The following VPS16 variants were observed in gnomAD, a reference collection of about 807,000 sequenced individuals.
VPS16 encodes VPS16 core subunit of CORVET and HOPS complexes, also known as vacuolar protein sorting-associated protein 16 homolog.
Under a neutral mutation model 116.0 loss-of-function variants are expected in VPS16, and 82 were observed. The ratio of observed to expected loss-of-function variants is 0.71; its 90% confidence interval spans 0.59 to 0.85. The LOEUF (loss-of-function observed/expected upper bound fraction) is 0.85. Among genes scored for constraint, VPS16 ranks in the 40% least tolerant of loss-of-function variants. VPS16 has a pLI of 0.00. For synonymous variants in VPS16, 406 were observed against 420.7 expected (o/e 0.96, Z 0.43); for missense variants, 928 against 1,090.6 (o/e 0.85, Z 2.10).
In VPS16 at chr20:2,860,767, C is replaced by G; in HGVS notation, c.534C>G (p.Ser178=). 2 of 1,613,992 alleles carry G rather than the reference C, an allele frequency of 1.2e-6. No homozygotes were observed. The highest frequency in any genetic ancestry group is 1.7e-5 in the Admixed American group (1 of 60,026). The change falls in exon 6 of 24, where the codon TCC becomes TCG. Residue 178 remains serine (S), a synonymous_variant. Transcript: ENST00000380445. The surrounding 1 kb of genome is among the most constrained non-coding windows in gnomAD (Gnocchi z 6.1). ...CCATAGGTCTGCAAAGTGCACCCTC[C>G]TGCTGGACTGTGCTGTGCCAGGACC... ...PEVPGLQSAP[S]CWTVLCQDRV...
At chr20:2,850,965 C>CAAAAA (rs57731229) in intron 1 of VPS16, among the ~76,000 whole-genome samples, 2 of 91,446 alleles carry the variant, frequency 2.2e-5, no homozygotes, top group African/African-American at 3.5e-5. Context: ...GTAAGACTGT[C>CAAAAA]AAAAAAAAAA....
At chr20:2,855,604 G>A (rs994327614) in intron 1 of VPS16, among the ~76,000 whole-genome samples, 2 of 152,132 alleles carry the variant, frequency 1.3e-5, no homozygotes, top group African/African-American at 4.8e-5. Context: ...AGACTGTTTT[G>A]TCTACATTGA....
chr20:2,841,929 T>C (rs1426339588), intron 1 of VPS16, among the ~76,000 whole-genome samples: 1 of 151,972 alleles, frequency 6.6e-6, no homozygotes, highest in Non-Finnish European at 1.5e-5. Context: ...AATTTTTGTA[T>C]TTTTTGCTAG....
intron 1 of VPS16, among the ~76,000 whole-genome samples, chr20:2,841,391 A>G (rs1359625486): frequency 6.6e-6 from 1 of 152,182 alleles, no homozygotes; most frequent in Non-Finnish European, 1.5e-5. Context: ...TAGCTTCCCT[A>G]ATAGGAAAAA....
rs2088957365 is a variant in VPS16, at chr20:2,840,767, C to T, written c.-8C>T. On this transcript the variant is annotated 5_prime_UTR_variant, in exon 1 of 24. Coordinates refer to ENST00000380445, the MANE Select transcript of VPS16 (RefSeq NM_022575.4). ...CTCGGTGCTTCCCAGCTGCCGTCTG[C>T]ACCAGCCATGGACTGCTACACGGCG... 4.5e-6 allele frequency: 7 copies of T among 1,548,184 alleles called. No homozygotes were observed. In the South Asian group the frequency reaches 4.8e-5, roughly 11 times the overall value.
chr20:2,851,755 G>A, intron 1 of VPS16, among the ~76,000 whole-genome samples: 1 of 152,018 alleles, frequency 6.6e-6, no homozygotes, highest in South Asian at 2.1e-4. Flanking sequence ...AGATCACAAG[G>A]TCAGGAGATC....
At chr20:2,859,587 T>C in intron 1 of VPS16, 132 bp from the exon 2 acceptor site, 1 of 1,042,780 alleles carries the variant, frequency 9.6e-7, no homozygotes, top group Non-Finnish European at 1.5e-6. Context: ...TCCCTCCCTC[T>C]GGGGGTAGAG....
chr20:2,851,611 G>A (rs973891420), intron 1 of VPS16, among the ~76,000 whole-genome samples: 23 of 151,570 alleles, frequency 1.5e-4, no homozygotes, highest in African/African-American at 5.1e-4. Flanking sequence ...GCAGTGAGCC[G>A]GTATTGCTCC....
Position 2,863,870 on chromosome 20 carries a change from G to T in VPS16, c.1477-79G>T, listed in dbSNP as rs1046495955. On this transcript the variant is annotated intron_variant, in intron 15 of 23. Coordinates refer to ENST00000380445, the MANE Select transcript of VPS16 (RefSeq NM_022575.4). The surrounding 1 kb of genome is among the most constrained non-coding windows in gnomAD (Gnocchi z 4.4). ...AAGGGAGGGAGGAAGGGAACTGAAG[G>T]GGTGGGTCCTAAGGGCTTGCAGGAG... 2.1e-5 allele frequency: 32 copies of T among 1,550,598 alleles called. No individual in the cohort carries two copies. In the African/African-American group the frequency reaches 3.0e-4, roughly 15 times the overall value.
rs996332745 is a variant in VPS16 at position 2,841,137 on chromosome 20, C to T, written c.53+310C>T. The T allele has an allele frequency of 6.8e-6, 3 of 444,298 alleles. No individual in the cohort carries two copies. The Admixed American group carries it at 1.2e-4, about 18-fold the overall frequency. 27.5% of individuals were successfully genotyped at this position (444,298 alleles called of 1,614,324 possible). A position where few individuals can be genotyped will look rare whatever the true frequency, so the allele number is the denominator to read the frequency against. On this transcript the variant is annotated intron_variant, in intron 1 of 23. Transcript: ENST00000380445. ...GTGACAGCGAGTGCCCAGTCTCCTGCCGGAAAGTGCTGCTGAAGTCAGACC... is the reference window on the plus strand; with the variant it reads ...GTGACAGCGAGTGCCCAGTCTCCTGTCGGAAAGTGCTGCTGAAGTCAGACC...
In VPS16 at chr20:2,863,455, TG is replaced by T; in HGVS notation, c.1476+59del. Reference sequence around the variant, plus strand: ...TAGAGGATTCCAGGCCCTGGTGAGGTGGAGGAAATAGAAAGTGTAGAACTGC... The same window carrying T: ...TAGAGGATTCCAGGCCCTGGTGAGGTGAGGAAATAGAAAGTGTAGAACTGC... On this transcript the variant is annotated intron_variant, in intron 15 of 23. Transcript: ENST00000380445. This position sits in a 1 kb window ranked among gnomAD's most constrained non-coding sequence, Gnocchi z 4.4. 6.4e-7 allele frequency: 1 copy of T among 1,561,080 alleles called. No homozygotes were observed. The highest frequency in any genetic ancestry group is 8.8e-7 in the Non-Finnish European group (1 of 1,133,686).
chr20:2,863,086 G>C lies in VPS16; in HGVS notation c.1353G>C (p.Gln451His), dbSNP rs776327460. Residue 451 changes from glutamine to histidine, a missense_variant, in exon 14 of 24, where the codon CAG (glutamine) becomes CAC (histidine). Transcript: ENST00000380445. The surrounding 1 kb of genome is among the most constrained non-coding windows in gnomAD (Gnocchi z 4.4). ...TYSQYKQLTI[Q>H]VLLDRLVLRR... ...ACAGATATAAGCAGCTCACCATCCAGGTGCTGCTGGACAGGTAGGGTAAGC... is the reference window on the plus strand; with the variant it reads ...ACAGATATAAGCAGCTCACCATCCACGTGCTGCTGGACAGGTAGGGTAAGC... The C allele has an allele frequency of 1.3e-4, 203 of 1,613,924 alleles. No homozygotes were observed. The highest frequency in any genetic ancestry group is 1.7e-4 in the Non-Finnish European group (197 of 1,180,038).
chr20:2,866,089 A>C, intron 22 of VPS16, 123 bp from the exon 23 acceptor site: 1 of 822,298 alleles, frequency 1.2e-6, no homozygotes. Flanking sequence ...GATTATATGT[A>C]CTGACGGGTG....
At chr20:2,862,977 G>A in intron 13 of VPS16, 43 bp downstream of exon 13, 2 of 1,613,808 alleles carry the variant, frequency 1.2e-6, no homozygotes. Context: ...AGCCAGGGGT[G>A]GCAGGGGAAG....
chr20:2,843,663 C>T (rs2089031723), intron 1 of VPS16, among the ~76,000 whole-genome samples: 1 of 152,186 alleles, frequency 6.6e-6, no homozygotes, highest in South Asian at 2.1e-4. Flanking sequence ...ATACCTGTTG[C>T]CTACCCAGGC....
In VPS16 at chr20:2,861,862, C is replaced by G; in HGVS notation, c.957C>G (p.Phe319Leu). ...CTGAGCTCGATGGGGTCCGCATCTT[C>G]TCCCGCAGCACCCACGAGTTCCTGC... is the stretch of plus-strand genomic sequence containing the variant. The part of the protein sequence containing the change: ...LVPELDGVRI[F>L]SRSTHEFLHE... Residue 319 changes from phenylalanine to leucine, a missense_variant, in exon 10 of 24, where the codon TTC becomes TTG. Physicochemically the swap from Phe to Leu is conservative, Grantham distance 22 (BLOSUM62 0). Coordinates refer to ENST00000380445, the MANE Select transcript of VPS16 (RefSeq NM_022575.4). 1 of 1,613,908 alleles carries G rather than the reference C, an allele frequency of 6.2e-7. No homozygotes were observed. Among genetic ancestry groups the G allele is most frequent in the Non-Finnish European group, 8.5e-7 (1 of 1,179,934 alleles).
chr20:2,862,446 T>C, intron 11 of VPS16, 133 bp from the exon 12 acceptor site: 1 of 1,476,332 alleles, frequency 6.8e-7, no homozygotes, highest in Non-Finnish European at 9.0e-7. Context: ...TTGAGTGGGC[T>C]GAGGGAGTTG....
At chr20:2,857,363 A>G (rs894998619) in intron 1 of VPS16, among the ~76,000 whole-genome samples, 1 of 152,218 alleles carries the variant, frequency 6.6e-6, no homozygotes, top group Non-Finnish European at 1.5e-5. Flanking sequence ...ATTCCTGTAC[A>G]TTTATAGATC....
intron 1 of VPS16, among the ~76,000 whole-genome samples, chr20:2,853,695 C>T (rs996073161): frequency 4.0e-5 from 6 of 151,726 alleles, no homozygotes; most frequent in African/African-American, 1.2e-4. Flanking sequence ...TTTTTTGGGA[C>T]GAAGTCTCAT....
Sources: allele counts gnomAD v4.1 joint callset (sites outside exome capture counted in the v4.1 genomes callset), GRCh38; gene constraint gnomAD v4.1.1; non-coding constraint Gnocchi (gnomAD v3.1); transcripts MANE v1.5; gene names NCBI Gene and HGNC (gene_info 2026-07-23, HGNC 2026-07-21).